SPCS2: variants seen among roughly 807,000 people sequenced by gnomAD.
SPCS2 encodes the protein signal peptidase complex subunit 2.
Under a neutral mutation model 22.3 loss-of-function variants are expected in SPCS2, and 3 were observed. The ratio of observed to expected loss-of-function variants is 0.13; its 90% CI spans 0.06 to 0.35. The LOEUF is 0.35. Ranked by LOEUF, SPCS2 falls within the 10% of genes least tolerant of loss-of-function variation. SPCS2 has a pLI of 1.00. For synonymous variants in SPCS2, 67 were observed against 97.2 expected (o/e 0.69, Z 1.83); for missense variants, 169 against 280.9 (o/e 0.60, Z 2.85).
intron 1 of SPCS2, among the ~76,000 whole-genome samples, chr11:74,950,414 T>C (rs1443037099): frequency 6.6e-6 from 1 of 152,210 alleles, no homozygotes; most frequent in Non-Finnish European, 1.5e-5. Flanking sequence ...TGAATATAAT[T>C]GAAAACAGCT....
intron 4 of SPCS2, among the ~76,000 whole-genome samples, chr11:74,972,363 C>T (rs1470990661): frequency 1.3e-5 from 2 of 152,172 alleles, no homozygotes; most frequent in Non-Finnish European, 2.9e-5. Context: ...CACGCCCAGC[C>T]CATCCTAGTT....
At position 74,977,889 on chromosome 11, in the gene SPCS2, A is replaced by G. The variant is rs1367710078; in HGVS notation, c.*846A>G. The G allele has an allele frequency of 6.6e-6, 1 of 150,416 alleles. No individual in the cohort carries two copies. The highest frequency in any genetic ancestry group is 2.4e-5 in the African/African-American group (1 of 41,342). 9.3% of individuals were successfully genotyped at this position (150,416 alleles called of 1,614,324 possible). Reference sequence around the variant, plus strand: ...CTCTTAGCTTTCCAGTGATAATAACAATAATAACAACATTCTGTACTTACT... The same window carrying G: ...CTCTTAGCTTTCCAGTGATAATAACGATAATAACAACATTCTGTACTTACT... On this transcript the variant is annotated 3_prime_UTR_variant, in exon 5 of 5. Transcript: ENST00000263672.
Position 74,965,942 on chromosome 11 carries a change from C to T in SPCS2, c.359+19C>T. On this transcript the variant is annotated intron_variant, in intron 3 of 4. Coordinates refer to ENST00000263672, the MANE Select transcript of SPCS2 (RefSeq NM_014752.3). ...TCATATCATATCCTTTATTTATGCT[C>T]AGGTTGTTTTCTAGTGACTATTTTT... 3.8e-6 allele frequency: 6 copies of T among 1,582,966 alleles called. No homozygotes were observed. Among genetic ancestry groups the T allele is most frequent in the African/African-American group, 1.4e-5 (1 of 73,470 alleles).
chr11:74,977,066 TTCTC>T lies in SPCS2; in HGVS notation c.*24_*27del. On this transcript the variant is annotated 3_prime_UTR_variant, in exon 5 of 5. Coordinates refer to ENST00000263672, the MANE Select transcript of SPCS2 (RefSeq NM_014752.3). ...TAGCCAATTCTAAAAGTAGCCCTCTTTCTCCTGGATCTTGCTGAATTAGTGGCTT... is the reference window on the plus strand; with the variant it reads ...TAGCCAATTCTAAAAGTAGCCCTCTTCTGGATCTTGCTGAATTAGTGGCTT... 7.2e-7 allele frequency: 1 copy of T among 1,385,618 alleles called. No homozygotes were observed. Among genetic ancestry groups the T allele is most frequent in the Non-Finnish European group, 9.6e-7 (1 of 1,042,224 alleles). The allele number at this position is 1,385,618 out of a possible 1,614,324, so 85.8% of individuals were successfully genotyped here. A position where few individuals can be genotyped will look rare whatever the true frequency, so the allele number is the denominator to read the frequency against.
intron 1 of SPCS2, among the ~76,000 whole-genome samples, chr11:74,964,091 G>A (rs1283675701): frequency 1.3e-5 from 2 of 152,156 alleles, no homozygotes; most frequent in Admixed American, 6.5e-5. Flanking sequence ...TGGATGTACC[G>A]TAGTTTGTTT....
intron 1 of SPCS2, among the ~76,000 whole-genome samples, chr11:74,958,256 C>G (rs986047399): frequency 2.0e-5 from 3 of 152,220 alleles, no homozygotes; most frequent in Non-Finnish European, 4.4e-5. Context: ...TTCCTAACTT[C>G]TAACTCCAGT....
intron 3 of SPCS2, among the ~76,000 whole-genome samples, chr11:74,967,178 G>A (rs1384402849): frequency 2.0e-5 from 3 of 152,206 alleles, no homozygotes; most frequent in Admixed American, 2.0e-4. Context: ...GTGGCACCAG[G>A]TGATCCTTGA....
chr11:74,949,608 T>C (rs1006324900), intron 1 of SPCS2: 1 of 622,654 alleles, frequency 1.6e-6, no homozygotes, highest in Non-Finnish European at 3.0e-6. Context: ...AACTTCTTCT[T>C]TTCTCGCAAG....
At chr11:74,973,691 T>A (rs78084742) in intron 4 of SPCS2, among the ~76,000 whole-genome samples, 1 of 152,150 alleles carries the variant, frequency 6.6e-6, no homozygotes, top group African/African-American at 2.4e-5. Flanking sequence ...ACTCTCTCCC[T>A]GTCCTGGAGG....
intron 4 of SPCS2, 115 bp downstream of exon 4, chr11:74,969,814 A>G: frequency 8.1e-7 from 1 of 1,241,054 alleles, no homozygotes; most frequent in Non-Finnish European, 1.2e-6. Flanking sequence ...AGGGCTAGTC[A>G]TATAAAATGA....
Position 74,965,882 on chromosome 11 carries a change from C to T in SPCS2, c.318C>T (p.Pro106=), listed in dbSNP as rs1429102977. 5 of 1,613,348 alleles carry T rather than the reference C, an allele frequency of 3.1e-6. No homozygotes were observed. The highest frequency in any genetic ancestry group is 4.2e-6 in the Non-Finnish European group (5 of 1,179,652). Residue 106 remains proline (P), a synonymous_variant, in exon 3 of 5, where the codon CCC becomes CCT. Coordinates refer to ENST00000263672, the MANE Select transcript of SPCS2 (RefSeq NM_014752.3). ...IVALIWDYMH[P]FPESKPVLAL... ...CTTTGATTTGGGATTATATGCACCC[C>T]TTTCCAGAGTCCAAACCCGTTTTGG...
chr11:74,965,891 G>C lies in SPCS2; in HGVS notation c.327G>C (p.Glu109Asp). Residue 109 changes from glutamate to aspartate, a missense_variant, in exon 3 of 5, where the codon GAG becomes GAC. This residue lies in a region of SPCS2 where 118 missense variants were observed against 243.1 expected (regional missense o/e 0.49). Coordinates refer to ENST00000263672, the MANE Select transcript of SPCS2 (RefSeq NM_014752.3). Reference sequence around the variant, plus strand: ...GGGATTATATGCACCCCTTTCCAGAGTCCAAACCCGTTTTGGCTTTGTGTG... The same window carrying C: ...GGGATTATATGCACCCCTTTCCAGACTCCAAACCCGTTTTGGCTTTGTGTG... Reference protein sequence around the residue: ...LIWDYMHPFPESKPVLALCVI... With the variant: ...LIWDYMHPFPDSKPVLALCVI... The C allele has an allele frequency of 6.2e-7, 1 of 1,611,660 alleles. No homozygotes were observed. Among genetic ancestry groups the C allele is most frequent in the Middle Eastern group, 1.7e-4 (1 of 6,054 alleles).
In SPCS2 at chr11:74,949,296, C is replaced by T. The variant is rs1326691337; in HGVS notation, c.11C>T (p.Ala4Val). The T allele has an allele frequency of 7.8e-6, 12 of 1,541,608 alleles. No homozygotes were observed. The South Asian group carries it at 8.4e-5, about 11-fold the overall frequency. ...GCAGAGGCGGACAAGATGGCGGCGGCAGCTGTACAGGGCGGGAGAAGCGGT... is the reference window on the plus strand; with the variant it reads ...GCAGAGGCGGACAAGATGGCGGCGGTAGCTGTACAGGGCGGGAGAAGCGGT... MAA[A>V]AVQGGRSGGS... The change falls in exon 1 of 5, where the codon GCA becomes GTA. Residue 4 changes from alanine (A) to valine (V), a missense_variant. Around this residue, in one of 2 missense-constraint regions of SPCS2, gnomAD observed 51 missense variants for 37.8 expected, o/e 1.35. Coordinates refer to ENST00000263672, the MANE Select transcript of SPCS2 (RefSeq NM_014752.3).
At chr11:74,975,698 G>C (rs1948610502) in intron 4 of SPCS2, among the ~76,000 whole-genome samples, 1 of 152,214 alleles carries the variant, frequency 6.6e-6, no homozygotes. Context: ...CAAGTTGGGA[G>C]TTACTGCCTA....
chr11:74,965,660 A>G (rs1591739187), intron 2 of SPCS2, 103 bp from the exon 3 acceptor site: 9 of 987,294 alleles, frequency 9.1e-6, no homozygotes, highest in African/African-American at 1.6e-5. Flanking sequence ...GGAGGGAACT[A>G]CTTGGTAATT....
intron 1 of SPCS2, among the ~76,000 whole-genome samples, chr11:74,955,337 G>A (rs928353749): frequency 3.3e-5 from 5 of 152,184 alleles, no homozygotes; most frequent in African/African-American, 9.7e-5. Flanking sequence ...GTCAGCTGAT[G>A]AATGGATAAA....
At chr11:74,966,014 A>G (rs1948543206) in intron 3 of SPCS2, 91 bp downstream of exon 3, 2 of 1,173,848 alleles carry the variant, frequency 1.7e-6, no homozygotes, top group African/African-American at 3.1e-5. Context: ...ACGGACTTTC[A>G]TATTAGGGCT....
At chr11:74,973,249 T>A (rs1285925273) in intron 4 of SPCS2, among the ~76,000 whole-genome samples, 1 of 152,190 alleles carries the variant, frequency 6.6e-6, no homozygotes, top group East Asian at 1.9e-4. Flanking sequence ...CATCACATTG[T>A]GCCACTTCTA....
chr11:74,955,851 A>AATATATATATATATATATATAT (rs60855711), intron 1 of SPCS2, among the ~76,000 whole-genome samples: 673 of 55,442 alleles, frequency 0.012, 66 homozygotes, highest in Non-Finnish European at 0.015. Context: ...TACTAATTAA[A>AATATATATATATATATATATAT]ATATATATAT....
Sources: gnomAD v4.1 joint callset for allele counts (sites outside exome capture counted in the v4.1 genomes callset) on GRCh38, gnomAD v4.1.1 for gene constraint, gnomAD v4.1.1 regional missense constraint, MANE v1.5 for transcripts, NCBI Gene and HGNC (gene_info 2026-07-23, HGNC 2026-07-21) for gene names.